The following TANC2 variants were observed in gnomAD, a reference collection of about 807,000 sequenced individuals.
TANC2 encodes the protein protein TANC2.
In TANC2, 26 loss-of-function variants were observed where a neutral mutation model predicts 210.5. The ratio of observed to expected loss-of-function variants is 0.12; its 90% CI spans 0.09 to 0.17. The LOEUF (loss-of-function observed/expected upper bound fraction) is 0.17, where lower values mean the gene tolerates loss of function less well. Among genes scored for constraint, TANC2 ranks in the 10% least tolerant of loss-of-function variants. The probability of loss-of-function intolerance (pLI) is 1.00; values close to 1 mark genes in which losing one functional copy is unlikely to be tolerated. For synonymous variants in TANC2, 931 were observed against 967.1 expected (o/e 0.96, Z 0.69); for missense variants, 2,129 against 2,608.9 (o/e 0.82, Z 4.01).
At chr17:63,262,320 C>A (rs756315664) in intron 8 of TANC2, among the ~76,000 whole-genome samples, 1 of 152,168 alleles carries the variant, frequency 6.6e-6, no homozygotes, top group South Asian at 2.1e-4. Flanking sequence ...GCTAGCACTA[C>A]GGACATGCGC....
chr17:63,203,504 G>A (rs531048271), intron 7 of TANC2, among the ~76,000 whole-genome samples: 1 of 152,222 alleles, frequency 6.6e-6, no homozygotes, highest in Admixed American at 6.5e-5. Context: ...TTATAGACCT[G>A]TGTCATCTGA....
intron 9 of TANC2, among the ~76,000 whole-genome samples, chr17:63,275,422 A>T (rs1031104876): frequency 1.3e-5 from 2 of 152,184 alleles, no homozygotes; most frequent in African/African-American, 4.8e-5. Flanking sequence ...TATCAAAGCA[A>T]TAAATTTAAT....
intron 2 of TANC2, among the ~76,000 whole-genome samples, chr17:63,032,209 A>G (rs1457753467): frequency 6.6e-6 from 1 of 152,174 alleles, no homozygotes; most frequent in Admixed American, 6.6e-5. Flanking sequence ...AGAGAAGGAT[A>G]CTGATTCAGT....
chr17:63,401,233 A>G (rs1317899864), intron 19 of TANC2, among the ~76,000 whole-genome samples: 1 of 152,198 alleles, frequency 6.6e-6, no homozygotes, highest in African/African-American at 2.4e-5. Flanking sequence ...TGTGACCCAA[A>G]GCTAGTTGGT....
chr17:63,242,068 A>T (rs1163435538), intron 8 of TANC2, among the ~76,000 whole-genome samples: 4 of 152,270 alleles, frequency 2.6e-5, no homozygotes, highest in South Asian at 2.1e-4. Context: ...TTGGTGGTGG[A>T]GAAGTCTCTT....
chr17:63,333,044 A>C (rs2146730205), intron 11 of TANC2, among the ~76,000 whole-genome samples: 1 of 152,382 alleles, frequency 6.6e-6, no homozygotes, highest in South Asian at 2.1e-4. Context: ...TGATGGTGAC[A>C]TACAAGGAGA....
chr17:63,028,143 GT>G (rs911451305), intron 2 of TANC2, among the ~76,000 whole-genome samples: 1 of 151,974 alleles, frequency 6.6e-6, no homozygotes, highest in Non-Finnish European at 1.5e-5. Context: ...GGTCATGTCT[GT>G]AAACCAAGAA....
intron 9 of TANC2, among the ~76,000 whole-genome samples, chr17:63,289,239 C>G (rs952180334): frequency 3.9e-5 from 6 of 152,094 alleles, no homozygotes; most frequent in African/African-American, 1.2e-4. Context: ...AATTCTCAGT[C>G]ATTATTGTTT....
chr17:63,422,904 A>G (rs1599100070), exon 28 of TANC2: 1 of 152,356 alleles, frequency 6.6e-6, no homozygotes, highest in East Asian at 1.9e-4. Flanking sequence ...ATACTCCACT[A>G]AAAGGAAACT....
chr17:63,389,737 C>G, intron 17 of TANC2, 193 bp downstream of exon 17: 1 of 620,742 alleles, frequency 1.6e-6, no homozygotes, highest in Non-Finnish European at 2.8e-6. Flanking sequence ...GCACACAGTT[C>G]TAAACCCTTT....
chr17:63,414,635 C>T (rs1023459041), intron 25 of TANC2, among the ~76,000 whole-genome samples: 2 of 152,174 alleles, frequency 1.3e-5, no homozygotes, highest in African/African-American at 4.8e-5. Flanking sequence ...CATTATTGTT[C>T]CCCTCAGAAT....
At chr17:63,083,771 C>T (rs962848617) in intron 3 of TANC2, among the ~76,000 whole-genome samples, 1 of 152,068 alleles carries the variant, frequency 6.6e-6, no homozygotes, top group Non-Finnish European at 1.5e-5. Context: ...CTTCTTTAGC[C>T]TGTTCATGTG....
chr17:63,372,615 A>G (rs569528752), intron 14 of TANC2, among the ~76,000 whole-genome samples: 1 of 152,314 alleles, frequency 6.6e-6, no homozygotes, highest in South Asian at 2.1e-4. Flanking sequence ...TGAGAGGTAG[A>G]TGTTACTATC....
At chr17:63,110,808 G>C (rs907718033) in intron 4 of TANC2, among the ~76,000 whole-genome samples, 6 of 152,168 alleles carry the variant, frequency 3.9e-5, no homozygotes, top group African/African-American at 1.4e-4. Flanking sequence ...ATAGCACCAA[G>C]GGTTGAGTAA....
intron 25 of TANC2, 141 bp downstream of exon 25, chr17:63,413,775 G>T (rs2048778640): frequency 6.6e-6 from 5 of 759,818 alleles, no homozygotes; most frequent in Non-Finnish European, 1.0e-5. Flanking sequence ...GGCCTCATAT[G>T]TTGGGGATCC....
chr17:63,087,581 A>G (rs994735424), intron 3 of TANC2, among the ~76,000 whole-genome samples: 5 of 152,152 alleles, frequency 3.3e-5, no homozygotes, highest in African/African-American at 1.2e-4. Flanking sequence ...ATTCTCTGGT[A>G]CATTTCAAAA....
chr17:63,080,981 A>G (rs2036750404), intron 3 of TANC2, among the ~76,000 whole-genome samples: 1 of 152,172 alleles, frequency 6.6e-6, no homozygotes, highest in African/African-American at 2.4e-5. Context: ...ATAGTTATCT[A>G]CATCCCAAGT....
chr17:63,259,419 T>C (rs1420736533), intron 8 of TANC2, among the ~76,000 whole-genome samples: 1 of 152,180 alleles, frequency 6.6e-6, no homozygotes, highest in South Asian at 2.1e-4. Flanking sequence ...TTGGGTCTTA[T>C]GAAGGTGCTT....
rs186604650 is a variant in TANC2, at chr17:63,315,591, A to G, written c.1441+922A>G. 4.6e-5 allele frequency among the ~76,000 whole-genome samples: 7 copies of G among 152,354 alleles called. No individual in the cohort carries two copies. In the East Asian group the frequency reaches 1.4e-3, roughly 29 times the overall value. On this transcript the variant is annotated intron_variant, in intron 10 of 27. Transcript: ENST00000689528. ...GTTTCTGTTAGTTAGAAGAGAACAA[A>G]AAAAGAAACTATTGCTTTGTTAGTC...
Sources: gnomAD v4.1 joint callset for allele counts (sites outside exome capture counted in the v4.1 genomes callset) on GRCh38, gnomAD v4.1.1 for gene constraint, MANE v1.5 for transcripts, NCBI Gene and HGNC (gene_info 2026-07-23, HGNC 2026-07-21) for gene names.